LPIN2: variants seen among roughly 807,000 people sequenced by gnomAD.
The protein encoded by LPIN2 is lipin 2.
LPIN2 carries 55 observed loss-of-function variants against 111.4 expected under a neutral mutation model. The observed-to-expected ratio is 0.49, with a 90% CI of 0.40 to 0.62. LPIN2 has a LOEUF of 0.62. LPIN2 is among the 20% of genes least tolerant of loss of function. LPIN2 has a pLI of 0.00. For missense variants in LPIN2, 992 were observed against 1,112.1 expected (o/e 0.89, Z 1.54); for synonymous variants, 425 against 414.0 (o/e 1.03, Z -0.32).
chr18:2,958,181 A>AAAAAC (rs2077652251), intron 2 of LPIN2, among the ~76,000 whole-genome samples: 2 of 147,096 alleles, frequency 1.4e-5, no homozygotes, highest in Admixed American at 6.8e-5. Context: ...AAACAGAAAA[A>AAAAAC]AGAAAAAAAA....
At chr18:2,934,887 C>G (rs1445246528) in intron 7 of LPIN2, among the ~76,000 whole-genome samples, 1 of 152,118 alleles carries the variant, frequency 6.6e-6, no homozygotes, top group African/African-American at 2.4e-5. Flanking sequence ...CCTGCATTAC[C>G]TTCTAACTAC....
chr18:2,960,894 G>A (rs781689140), intron 1 of LPIN2, 45 bp from the exon 2 acceptor site: 3 of 1,478,760 alleles, frequency 2.0e-6, no homozygotes, highest in Admixed American at 1.9e-5. Context: ...CTAAATTTGT[G>A]ATCTATTGAC....
At chr18:2,981,682 T>C (rs1007447253) in intron 1 of LPIN2, among the ~76,000 whole-genome samples, 1 of 152,246 alleles carries the variant, frequency 6.6e-6, no homozygotes, top group Non-Finnish European at 1.5e-5. Context: ...GCCTCCCCCG[T>C]GGTAGCACCT....
chr18:2,953,530 T>C (rs2077568479), intron 3 of LPIN2, among the ~76,000 whole-genome samples: 1 of 152,208 alleles, frequency 6.6e-6, no homozygotes, highest in Non-Finnish European at 1.5e-5. Flanking sequence ...TAAATCATAG[T>C]GTTTCAATGC....
At chr18:2,974,457 T>C (rs571523370) in intron 1 of LPIN2, among the ~76,000 whole-genome samples, 2 of 152,360 alleles carry the variant, frequency 1.3e-5, no homozygotes, top group African/African-American at 4.8e-5. Context: ...CTTTGTAAAA[T>C]AACGTAACTG....
At chr18:2,975,558 T>C (rs965909656) in intron 1 of LPIN2, among the ~76,000 whole-genome samples, 1 of 152,182 alleles carries the variant, frequency 6.6e-6, no homozygotes, top group Non-Finnish European at 1.5e-5. Flanking sequence ...GGTCTCGAAC[T>C]CCTCACCTCA....
At position 2,924,478 on chromosome 18, in the gene LPIN2, G is replaced by A. The variant is rs761000111; in HGVS notation, c.2007C>T (p.Thr669=). The A allele has an allele frequency of 2.5e-6, 4 of 1,614,084 alleles. No homozygotes were observed. The highest frequency in any genetic ancestry group is 3.4e-6 in the Non-Finnish European group (4 of 1,179,920). ...GGTAAATGGTCCCTGCACAGCGACA[G>A]GTGCCTTGATACTGGGTTGTAATAC... ...VFSITTQYQG[T]CRCAGTIYLW... Residue 669 remains threonine (T), a synonymous_variant, in exon 15 of 20, where the codon ACC becomes ACT. Coordinates refer to ENST00000677752, the MANE Select transcript of LPIN2 (RefSeq NM_001375808.2).
chr18:2,992,603 C>T (rs2078281210), intron 1 of LPIN2, among the ~76,000 whole-genome samples: 1 of 152,186 alleles, frequency 6.6e-6, no homozygotes, highest in African/African-American at 2.4e-5. Context: ...GTAATCCCAA[C>T]ACTTTGGGAG....
At chr18:2,932,156 T>C (rs2077220148) in intron 8 of LPIN2, among the ~76,000 whole-genome samples, 1 of 152,228 alleles carries the variant, frequency 6.6e-6, no homozygotes, top group African/African-American at 2.4e-5. Flanking sequence ...AGTGTAAATT[T>C]GAGAAAGAAT....
chr18:2,978,299 T>A (rs2078052339), intron 1 of LPIN2, among the ~76,000 whole-genome samples: 1 of 151,910 alleles, frequency 6.6e-6, no homozygotes, highest in Non-Finnish European at 1.5e-5. Flanking sequence ...AAGGAAAAAA[T>A]TTTAACTCTA....
intron 7 of LPIN2, among the ~76,000 whole-genome samples, chr18:2,935,178 T>C (rs2077269197): frequency 6.6e-6 from 1 of 152,234 alleles, no homozygotes; most frequent in African/African-American, 2.4e-5. Flanking sequence ...AGATACTTCC[T>C]TAATAATTTT....
At chr18:2,938,729 C>T (rs1202455485) in intron 6 of LPIN2, among the ~76,000 whole-genome samples, 1 of 152,170 alleles carries the variant, frequency 6.6e-6, no homozygotes, top group Admixed American at 6.5e-5. Context: ...CAAATATATG[C>T]AAAATGTATA....
At chr18:2,985,063 C>G (rs2078168663) in intron 1 of LPIN2, 1 of 152,320 alleles carries the variant, frequency 6.6e-6, no homozygotes, top group Admixed American at 6.5e-5. Flanking sequence ...TGTATTGTTT[C>G]CTTGTTTTAG....
intron 2 of LPIN2, among the ~76,000 whole-genome samples, chr18:2,954,852 T>A (rs140630495): frequency 3.3e-5 from 5 of 152,256 alleles, no homozygotes; most frequent in African/African-American, 1.2e-4. Flanking sequence ...ATAAAAATTT[T>A]AAAATTATTT....
intron 1 of LPIN2, among the ~76,000 whole-genome samples, chr18:2,998,739 A>C (rs1238641454): frequency 6.6e-6 from 1 of 152,170 alleles, no homozygotes; most frequent in Non-Finnish European, 1.5e-5. Flanking sequence ...AAAGAAATAG[A>C]GTATAACATG....
In LPIN2 at chr18:2,945,797, A is replaced by G. The variant is rs879241553; in HGVS notation, c.591-5085T>C. On this transcript the variant is annotated intron_variant, in intron 4 of 19. Transcript: ENST00000677752. ...CTACTCGACTAAGTTCTGGAAGTGAATTTTTAGCCTATACTGAAATGGTAA... is the reference window on the plus strand; with the variant it reads ...CTACTCGACTAAGTTCTGGAAGTGAGTTTTTAGCCTATACTGAAATGGTAA... The G allele has an allele frequency of 2.4e-5, 33 of 1,350,256 alleles. No homozygotes were observed. The South Asian group carries it at 3.0e-4, about 12-fold the overall frequency. The allele number at this position is 1,350,256 out of a possible 1,614,324, so 83.6% of individuals were successfully genotyped here. A position where few individuals can be genotyped will look rare whatever the true frequency, so the allele number is the denominator to read the frequency against.
intron 1 of LPIN2, among the ~76,000 whole-genome samples, chr18:2,980,933 G>A (rs1015189815): frequency 2.6e-5 from 4 of 152,172 alleles, no homozygotes; most frequent in African/African-American, 9.7e-5. Context: ...ATTATTCTGG[G>A]ACTTCAGGTT....
intron 1 of LPIN2, among the ~76,000 whole-genome samples, chr18:3,011,080 G>A (rs1283848591): frequency 6.6e-6 from 1 of 152,074 alleles, no homozygotes; most frequent in Admixed American, 6.6e-5. Context: ...TTACTGAGCA[G>A]CTATGGAGTT....
intron 1 of LPIN2, among the ~76,000 whole-genome samples, chr18:2,988,866 T>C (rs947571025): frequency 6.6e-6 from 1 of 152,226 alleles, no homozygotes; most frequent in Non-Finnish European, 1.5e-5. Flanking sequence ...CATACTTTAA[T>C]ATAAAAAAGC....
Sources: allele counts gnomAD v4.1 joint callset (sites outside exome capture counted in the v4.1 genomes callset), GRCh38; gene constraint gnomAD v4.1.1; transcripts MANE v1.5; gene names NCBI Gene and HGNC (gene_info 2026-07-23, HGNC 2026-07-21).